Variants in CSMD1 observed in about 807,000 individuals in gnomAD.
The protein encoded by CSMD1 is CUB and Sushi multiple domains 1, also known as CUB and sushi domain-containing protein 1.
Under a neutral mutation model 417.5 loss-of-function variants are expected in CSMD1, and 213 were observed. The ratio of observed to expected loss-of-function variants is 0.51; its 90% CI spans 0.46 to 0.57. The LOEUF is 0.57. Ranked by LOEUF, CSMD1 falls within the 20% of genes least tolerant of loss-of-function variation. The probability of loss-of-function intolerance (pLI) is 0.00; values close to 1 mark genes in which losing one functional copy is unlikely to be tolerated. For synonymous variants in CSMD1, 2,862 were observed against 1,736.8 expected, an observed-to-expected ratio of 1.65 and a Z score of -16.11; for missense variants, 6,923 against 4,529.7, an observed-to-expected ratio of 1.53 and a Z score of -15.17.
chr8:3,886,926 G>T (rs1398548825), intron 5 of CSMD1, among the ~76,000 whole-genome samples: 1 of 152,164 alleles, frequency 6.6e-6, no homozygotes, highest in Non-Finnish European at 1.5e-5. Flanking sequence ...ATCATCAGGG[G>T]ACTCAGGTCA....
chr8:3,851,178 G>A (rs2930362), intron 5 of CSMD1, among the ~76,000 whole-genome samples: 63,710 of 152,076 alleles, frequency 0.42, 14,841 homozygotes, highest in African/African-American at 0.63. Context: ...TATGATATCA[G>A]TTTTCAAAGC....
At chr8:4,799,730 T>C (rs866461210) in intron 1 of CSMD1, among the ~76,000 whole-genome samples, 4 of 151,760 alleles carry the variant, frequency 2.6e-5, no homozygotes, top group African/African-American at 9.7e-5. Context: ...AAATTGGCAT[T>C]ACATGTCAAA....
At chr8:3,362,032 C>G (rs762557943) in intron 20 of CSMD1, among the ~76,000 whole-genome samples, 2 of 152,152 alleles carry the variant, frequency 1.3e-5, no homozygotes, top group Admixed American at 6.5e-5. Flanking sequence ...CATCTTCTCA[C>G]CAACGCAAAG....
intron 1 of CSMD1, among the ~76,000 whole-genome samples, chr8:4,673,126 G>A (rs989854746): frequency 2.4e-4 from 37 of 152,082 alleles, no homozygotes; most frequent in African/African-American, 8.5e-4. Context: ...CACATCTGTA[G>A]CAAACTGAGG....
intron 1 of CSMD1, among the ~76,000 whole-genome samples, chr8:4,818,526 A>C (rs1351613544): frequency 6.6e-6 from 1 of 152,226 alleles, no homozygotes; most frequent in Non-Finnish European, 1.5e-5. Context: ...ATTAAGAATA[A>C]TATTATATAG....
chr8:4,912,391 C>G (rs1019992608), intron 1 of CSMD1, among the ~76,000 whole-genome samples: 6 of 149,102 alleles, frequency 4.0e-5, no homozygotes, highest in Non-Finnish European at 8.9e-5. Context: ...CACAGGAAAA[C>G]TTGCTGTGGG....
intron 3 of CSMD1, among the ~76,000 whole-genome samples, chr8:4,216,494 A>T (rs1800678727): frequency 6.6e-6 from 1 of 152,158 alleles, no homozygotes; most frequent in South Asian, 2.1e-4. Context: ...TCATTAATAG[A>T]ATTAGTGCTT....
chr8:4,771,632 T>G (rs939515986), intron 1 of CSMD1, among the ~76,000 whole-genome samples: 1 of 152,140 alleles, frequency 6.6e-6, no homozygotes, highest in South Asian at 2.1e-4. Context: ...AATTCCTGAT[T>G]AACACCATGA....
chr8:4,766,563 C>A (rs891256104), intron 1 of CSMD1, among the ~76,000 whole-genome samples: 1 of 152,194 alleles, frequency 6.6e-6, no homozygotes, highest in African/African-American at 2.4e-5. Flanking sequence ...ATGCTTTCTG[C>A]CCAAATCTTG....
intron 38 of CSMD1, 55 bp from the exon 39 acceptor site, chr8:3,158,021 G>C: frequency 7.4e-7 from 1 of 1,347,626 alleles, no homozygotes; most frequent in Non-Finnish European, 1.0e-6. Context: ...AGTATTTAAG[G>C]ATTAAATGTT....
intron 23 of CSMD1, among the ~76,000 whole-genome samples, chr8:3,338,242 T>A (rs893391862): frequency 6.6e-5 from 10 of 152,232 alleles, no homozygotes; most frequent in African/African-American, 2.4e-4. Context: ...CAGGTCACCC[T>A]GGCATCCACG....
intron 2 of CSMD1, among the ~76,000 whole-genome samples, chr8:4,504,128 C>T (rs1282822060): frequency 6.6e-6 from 1 of 151,972 alleles, no homozygotes; most frequent in Admixed American, 6.6e-5. Context: ...TATATATAGC[C>T]CATGGAGGAT....
At chr8:3,306,456 G>C (rs535940519) in intron 25 of CSMD1, among the ~76,000 whole-genome samples, 7 of 152,154 alleles carry the variant, frequency 4.6e-5, no homozygotes, top group Non-Finnish European at 8.8e-5. Flanking sequence ...ATGAGCCACT[G>C]TGCCCAGCCT....
At chr8:4,737,478 C>T (rs1427209873) in intron 1 of CSMD1, among the ~76,000 whole-genome samples, 1 of 151,964 alleles carries the variant, frequency 6.6e-6, no homozygotes, top group Admixed American at 6.6e-5. Context: ...GCACCTGTAC[C>T]CCTGAAGTTA....
intron 7 of CSMD1, among the ~76,000 whole-genome samples, chr8:3,675,385 G>C (rs1029837804): frequency 6.6e-6 from 1 of 152,158 alleles, no homozygotes; most frequent in Non-Finnish European, 1.5e-5. Context: ...TGTGGGCTTG[G>C]ATATGCTATC....
chr8:4,203,161 G>C (rs1206213659), intron 3 of CSMD1, among the ~76,000 whole-genome samples: 1 of 152,276 alleles, frequency 6.6e-6, no homozygotes, highest in East Asian at 1.9e-4. Context: ...TCAGGTCAGA[G>C]GGACATGTCA....
At chr8:4,110,658 G>C (rs958539113) in intron 3 of CSMD1, among the ~76,000 whole-genome samples, 3 of 151,984 alleles carry the variant, frequency 2.0e-5, no homozygotes, top group Non-Finnish European at 2.9e-5. Context: ...GCATGTGTGT[G>C]TTTCTATAAA....
intron 2 of CSMD1, among the ~76,000 whole-genome samples, chr8:4,491,291 G>A (rs554686743): frequency 6.6e-6 from 1 of 152,280 alleles, no homozygotes; most frequent in East Asian, 1.9e-4. Flanking sequence ...AAGAGGAGAT[G>A]CCTGACGTGC....
chr8:3,597,007 A>G (rs1801126644), intron 8 of CSMD1, among the ~76,000 whole-genome samples: 1 of 152,168 alleles, frequency 6.6e-6, no homozygotes, highest in Admixed American at 6.5e-5. Context: ...CCATGAATCC[A>G]GAACCCAGGT....
Sources: gnomAD v4.1 joint callset for allele counts (sites outside exome capture counted in the v4.1 genomes callset) on GRCh38, gnomAD v4.1.1 for gene constraint, MANE v1.5 for transcripts, NCBI Gene and HGNC (gene_info 2026-07-23, HGNC 2026-07-21) for gene names.